SYCP1: variants seen among roughly 807,000 people sequenced by gnomAD.
SYCP1 encodes the protein cancer/testis antigen 8.
In SYCP1, 64 loss-of-function variants were observed where a neutral mutation model predicts 153.1. The ratio of observed to expected loss-of-function variants is 0.42; its 90% confidence interval spans 0.34 to 0.51. The LOEUF is 0.51. SYCP1 is among the 20% of genes least tolerant of loss of function. The probability of loss-of-function intolerance (pLI) is 0.06; values close to 1 mark genes in which losing one functional copy is unlikely to be tolerated. For missense variants in SYCP1, 997 were observed against 1,049.0 expected (o/e 0.95, Z 0.68); for synonymous variants, 384 against 341.8 (o/e 1.12, Z -1.36).
intron 23 of SYCP1, among the ~76,000 whole-genome samples, chr1:114,932,945 C>T (rs1394195170): frequency 6.6e-6 from 1 of 152,212 alleles, no homozygotes; most frequent in Non-Finnish European, 1.5e-5. Flanking sequence ...GGCCTGCCTG[C>T]CTCTGTAGAC....
At chr1:114,857,975 A>C (rs888974343) in intron 5 of SYCP1, among the ~76,000 whole-genome samples, 2 of 152,066 alleles carry the variant, frequency 1.3e-5, no homozygotes, top group East Asian at 3.8e-4. Flanking sequence ...AATTTAAAAT[A>C]TATAGAACTT....
At chr1:114,887,582 T>C in intron 14 of SYCP1, 44 bp from the exon 15 acceptor site, 1 of 1,348,596 alleles carries the variant, frequency 7.4e-7, no homozygotes, top group Non-Finnish European at 1.0e-6. Flanking sequence ...AGATGAATTC[T>C]GACTAAAATA....
At chr1:114,930,946 T>G in intron 23 of SYCP1, among the ~76,000 whole-genome samples, 1 of 151,892 alleles carries the variant, frequency 6.6e-6, no homozygotes, top group East Asian at 1.9e-4. Flanking sequence ...AGGAATGGGA[T>G]TTATCAGAAA....
At chr1:114,980,782 T>A (rs1673100543) in intron 28 of SYCP1, among the ~76,000 whole-genome samples, 1 of 151,978 alleles carries the variant, frequency 6.6e-6, no homozygotes, top group Non-Finnish European at 1.5e-5. Flanking sequence ...TTTTTAAAAA[T>A]TTAACTTTTA....
chr1:114,975,561 A>T (rs937498257), intron 27 of SYCP1, among the ~76,000 whole-genome samples: 1 of 151,738 alleles, frequency 6.6e-6, no homozygotes, highest in Non-Finnish European at 1.5e-5. Flanking sequence ...GTATCTCTTT[A>T]ACTTGAGCTT....
intron 16 of SYCP1, among the ~76,000 whole-genome samples, chr1:114,905,160 G>C (rs1472016746): frequency 6.6e-6 from 1 of 152,122 alleles, no homozygotes; most frequent in Non-Finnish European, 1.5e-5. Context: ...TTTGCTATCT[G>C]TGTCTGGTTT....
At chr1:114,954,616 C>G (rs1190728415) in intron 27 of SYCP1, among the ~76,000 whole-genome samples, 1 of 150,276 alleles carries the variant, frequency 6.7e-6, no homozygotes, top group East Asian at 1.9e-4. Context: ...GAGTCTTGCT[C>G]TGTCACCAGG....
chr1:114,973,657 A>T (rs542239872), intron 27 of SYCP1, among the ~76,000 whole-genome samples: 2 of 152,000 alleles, frequency 1.3e-5, no homozygotes, highest in East Asian at 3.9e-4. Context: ...TTGTTGTTGA[A>T]TGTATTTTTG....
intron 27 of SYCP1, among the ~76,000 whole-genome samples, chr1:114,948,679 G>C (rs1357332289): frequency 1.3e-5 from 2 of 152,016 alleles, no homozygotes; most frequent in Non-Finnish European, 2.9e-5. Flanking sequence ...AGCTCTGCAA[G>C]GTCTAATTAT....
At chr1:114,883,578 G>A (rs1247994524) in intron 12 of SYCP1, among the ~76,000 whole-genome samples, 1 of 152,166 alleles carries the variant, frequency 6.6e-6, no homozygotes, top group Non-Finnish European at 1.5e-5. Flanking sequence ...ATTTTGGCTT[G>A]GAGCTCTTTG....
intron 7 of SYCP1, among the ~76,000 whole-genome samples, chr1:114,860,395 T>G (rs1022015851): frequency 6.6e-6 from 1 of 152,154 alleles, no homozygotes; most frequent in Non-Finnish European, 1.5e-5. Flanking sequence ...TCTCATTATT[T>G]TTCCTTAGGC....
chr1:114,908,211 G>A (rs547801841), intron 16 of SYCP1, among the ~76,000 whole-genome samples: 27 of 150,514 alleles, frequency 1.8e-4, no homozygotes, highest in African/African-American at 5.8e-4. Flanking sequence ...TAGGATTGTG[G>A]GTTGACAGTT....
At position 114,980,788 on chromosome 1, in the gene SYCP1, T is replaced by A. The variant is rs1198370108; in HGVS notation, c.2383-548T>A. On this transcript the variant is annotated intron_variant, in intron 28 of 31. Transcript: ENST00000369522. The stretch of plus-strand genomic sequence containing the variant: ...TTGTTTTCATTTTTAAAAATTTAAC[T>A]TTTATTTTAAGTTCAGGGGTACATG... Among the ~76,000 whole-genome samples, 7 of 152,064 alleles carry A rather than the reference T, an allele frequency of 4.6e-5. No individual in the cohort carries two copies. The East Asian group carries it at 1.4e-3, about 29-fold the overall frequency.
At chr1:114,913,369 T>C (rs1489663898) in intron 19 of SYCP1, among the ~76,000 whole-genome samples, 2 of 151,994 alleles carry the variant, frequency 1.3e-5, no homozygotes, top group Admixed American at 6.6e-5. Flanking sequence ...CTAGAAAAAG[T>C]TAATTTAATT....
intron 10 of SYCP1, among the ~76,000 whole-genome samples, 193 bp from the exon 11 acceptor site, chr1:114,876,544 T>G (rs1031572854): frequency 1.1e-4 from 16 of 151,632 alleles, no homozygotes; most frequent in Admixed American, 2.0e-4. Context: ...TTATTATAAC[T>G]GATATTATTT....
chr1:114,988,098 A>AAAAAG (rs369554736), intron 30 of SYCP1, among the ~76,000 whole-genome samples: 3,212 of 141,988 alleles, frequency 0.023, 153 homozygotes, highest in African/African-American at 0.083. Context: ...AAAAAAAAAG[A>AAAAAG]AAAAGAAAAG....
chr1:114,988,828 T>C (rs946132074), intron 30 of SYCP1, among the ~76,000 whole-genome samples: 1 of 152,054 alleles, frequency 6.6e-6, no homozygotes, highest in African/African-American at 2.4e-5. Flanking sequence ...CAAATGCATA[T>C]AAATGGTTAA....
At chr1:114,947,194 T>G in intron 26 of SYCP1, 52 bp from the exon 27 acceptor site, 1 of 1,323,780 alleles carries the variant, frequency 7.6e-7, no homozygotes, top group Non-Finnish European at 1.1e-6. Context: ...ATTTTCATTG[T>G]CTTGAGAAAT....
intron 20 of SYCP1, among the ~76,000 whole-genome samples, chr1:114,920,988 A>G (rs1357128750): frequency 6.6e-6 from 1 of 152,016 alleles, no homozygotes; most frequent in Non-Finnish European, 1.5e-5. Flanking sequence ...CAATGTTATT[A>G]TTGATAAGTA....
Sources: gnomAD v4.1 joint callset for allele counts (sites outside exome capture counted in the v4.1 genomes callset) on GRCh38, gnomAD v4.1.1 for gene constraint, MANE v1.5 for transcripts, NCBI Gene and HGNC (gene_info 2026-07-23, HGNC 2026-07-21) for gene names.